The following RAPGEF3 variants were observed in gnomAD, a reference collection of about 807,000 sequenced individuals.
RAPGEF3 encodes 9330170P05Rik.
Under a neutral mutation model 129.8 loss-of-function variants are expected in RAPGEF3, and 103 were observed. The ratio of observed to expected loss-of-function variants is 0.79; its 90% confidence interval spans 0.68 to 0.93. RAPGEF3 has a LOEUF of 0.93. RAPGEF3 is among the 40% of genes least tolerant of loss of function. The pLI, the probability that RAPGEF3 is intolerant of heterozygous loss-of-function variation, is 0.00. For synonymous variants in RAPGEF3, 436 were observed against 482.6 expected (o/e 0.90, Z 1.26); for missense variants, 1,117 against 1,207.4 (o/e 0.93, Z 1.11).
rs376016546 is a variant in RAPGEF3 at position 47,750,341 on chromosome 12, C to A, written c.756G>T (p.Ser252=). 5 of 1,613,638 alleles carry A rather than the reference C, an allele frequency of 3.1e-6. No individual in the cohort carries two copies. Among genetic ancestry groups the A allele is most frequent in the Non-Finnish European group, 2.5e-6 (3 of 1,179,712 alleles). The change falls in exon 7 of 28, where the codon TCG becomes TCT. Residue 252 remains serine, a splice_region_variant and synonymous_variant. Coordinates refer to ENST00000449771, the MANE Select transcript of RAPGEF3 (RefSeq NM_001098531.4). ...CAGGGCTGGGAGGGGCAGGACTGAC[C>A]GAGTTGGAGAGGTGGGCCACAGCCT... ...HIKAVAHLSN[S]VKRELAAVLL... is the part of the protein sequence containing the mutation.
Position 47,741,544 on chromosome 12 carries a change from C to G in RAPGEF3, c.1884G>C (p.Glu628Asp). 6.2e-7 allele frequency: 1 copy of G among 1,614,180 alleles called. No individual in the cohort carries two copies. The highest frequency in any genetic ancestry group is 8.5e-7 in the Non-Finnish European group (1 of 1,180,038). The change falls in exon 19 of 28, where the codon GAG becomes GAC. Residue 628 changes from glutamate (E) to aspartate (D), a missense_variant. By Grantham distance (45) the Glu-to-Asp change is conservative (BLOSUM62 2). Transcript: ENST00000449771. ...RGVATSLGLN[E>D]RLFVVNPQEV... The stretch of plus-strand genomic sequence containing the variant: ...CCTGTGGGTTGACAACAAAGAGACG[C>G]TCATTGAGCCCCAGAGATGTGGCCA...
rs1425586068 is a variant in RAPGEF3 at position 47,738,819 on chromosome 12, T to G, written c.2462-65A>C. On this transcript the variant is annotated intron_variant, in intron 24 of 27. Transcript: ENST00000449771. Reference sequence around the variant, plus strand: ...CTGCCCTCCTGTAGCCCAGAAAAGGTGAAGGGCATAACGGCTCCCTTGGGC... The same window carrying G: ...CTGCCCTCCTGTAGCCCAGAAAAGGGGAAGGGCATAACGGCTCCCTTGGGC... 2.8e-6 allele frequency: 4 copies of G among 1,434,908 alleles called. No homozygotes were observed. In the African/African-American group the frequency reaches 5.6e-5, roughly 20 times the overall value. The allele number at this position is 1,434,908 out of a possible 1,614,324, so 88.9% of individuals were successfully genotyped here. A position where few individuals can be genotyped will look rare whatever the true frequency, so the allele number is the denominator to read the frequency against.
chr12:47,753,159 T>C (rs987964046), intron 2 of RAPGEF3, among the ~76,000 whole-genome samples: 6 of 152,204 alleles, frequency 3.9e-5, no homozygotes, highest in African/African-American at 1.4e-4. Flanking sequence ...AGATGTGAAA[T>C]AGGCAGAGCA....
In RAPGEF3 at chr12:47,748,892, T is replaced by G. The variant is rs1941585497; in HGVS notation, c.1081A>C (p.Lys361Gln). The change falls in exon 11 of 28, where the codon AAA (lysine) becomes CAA (glutamine). Residue 361 changes from lysine to glutamine, a missense_variant. Lys to Gln is a moderately conservative substitution (Grantham distance 53, BLOSUM62 1). Coordinates refer to ENST00000449771, the MANE Select transcript of RAPGEF3 (RefSeq NM_001098531.4). Reference protein sequence around the residue: ...AKTMRLEEHGKVVLVLERASQ... With the variant: ...AKTMRLEEHGQVVLVLERASQ... ...GCTCTCTCCAGCACCAGCACCACTT[T>G]GCCATGTTCTTCCAGCCGCATGGTC... 4 of 1,613,954 alleles carry G rather than the reference T, an allele frequency of 2.5e-6. No individual in the cohort carries two copies. The highest frequency in any genetic ancestry group is 3.4e-6 in the Non-Finnish European group (4 of 1,179,976).
chr12:47,747,050 C>T (rs903851711), intron 15 of RAPGEF3, 151 bp from the exon 16 acceptor site: 10 of 760,898 alleles, frequency 1.3e-5, no homozygotes, highest in African/African-American at 3.6e-5. Flanking sequence ...GGGGAGAACA[C>T]GGTCTTGAAA....
Position 47,750,023 on chromosome 12 carries a change from C to T in RAPGEF3, c.757-33G>A. On this transcript the variant is annotated intron_variant, in intron 7 of 27. Coordinates refer to ENST00000449771, the MANE Select transcript of RAPGEF3 (RefSeq NM_001098531.4). Reference sequence around the variant, plus strand: ...GTGGAGATAGGAGAGTCGGTGGCGACAAGTTCATGTGCAGAGCAGCCAGGC... The same window carrying T: ...GTGGAGATAGGAGAGTCGGTGGCGATAAGTTCATGTGCAGAGCAGCCAGGC... 2.5e-6 allele frequency: 4 copies of T among 1,613,402 alleles called. No homozygotes were observed. In the East Asian group the frequency reaches 6.7e-5, roughly 27 times the overall value.
intron 6 of RAPGEF3, 145 bp downstream of exon 6, chr12:47,750,903 A>G: frequency 8.7e-7 from 1 of 1,154,894 alleles, no homozygotes; most frequent in Non-Finnish European, 1.2e-6. Flanking sequence ...AGTCCGTGGC[A>G]GTCAGCGCCA....
At chr12:47,746,811 C>T (rs1592553699) in intron 16 of RAPGEF3, 49 bp downstream of exon 16, 2 of 1,546,410 alleles carry the variant, frequency 1.3e-6, no homozygotes, top group Non-Finnish European at 1.8e-6. Context: ...GAAGGAGGGG[C>T]CTGCAGTCCA....
At position 47,736,098 on chromosome 12, in the gene RAPGEF3, C is replaced by T. The variant is rs1201756768; in HGVS notation, c.*1469G>A. On this transcript the variant is annotated 3_prime_UTR_variant, in exon 28 of 28. Coordinates refer to ENST00000449771, the MANE Select transcript of RAPGEF3 (RefSeq NM_001098531.4). Reference sequence around the variant, plus strand: ...GAGCTACAGTTTTATGTGTTTGTCACTAAGCGCTGTATGGCGTTTATCATA... The same window carrying T: ...GAGCTACAGTTTTATGTGTTTGTCATTAAGCGCTGTATGGCGTTTATCATA... 1.3e-5 allele frequency: 2 copies of T among 152,272 alleles called. No homozygotes were observed. The highest frequency in any genetic ancestry group is 2.4e-5 in the African/African-American group (1 of 41,464). The allele number at this position is 152,272 out of a possible 1,614,324, so 9.4% of individuals were successfully genotyped here.
Position 47,758,854 on chromosome 12 carries a change from C to T in RAPGEF3, c.-298G>A. ...CGTCTCAGACGAAGGAGCCAGCTGG[C>T]ACCGGGCGCTGAAGCAAGGCTGCGC... On this transcript the variant is annotated 5_prime_UTR_variant, in exon 1 of 28. Coordinates refer to ENST00000449771, the MANE Select transcript of RAPGEF3 (RefSeq NM_001098531.4). The T allele has an allele frequency of 8.4e-7, 1 of 1,188,202 alleles. No homozygotes were observed. The highest frequency in any genetic ancestry group is 1.0e-6 in the Non-Finnish European group (1 of 957,614). The allele number at this position is 1,188,202 out of a possible 1,614,324, so 73.6% of individuals were successfully genotyped here.
Position 47,758,588 on chromosome 12 carries a change from C to T in RAPGEF3, c.-32G>A. On this transcript the variant is annotated 5_prime_UTR_variant, in exon 1 of 28. Transcript: ENST00000449771. Reference sequence around the variant, plus strand: ...TTTCAAGCTCGCACAGCCGTGCAGGCTCTAGCAAAAGGCTGGGGGGTCCCC... The same window carrying T: ...TTTCAAGCTCGCACAGCCGTGCAGGTTCTAGCAAAAGGCTGGGGGGTCCCC... 6.2e-7 allele frequency: 1 copy of T among 1,613,698 alleles called. No individual in the cohort carries two copies. Among genetic ancestry groups the T allele is most frequent in the Non-Finnish European group, 8.5e-7 (1 of 1,179,770 alleles).
At position 47,747,835 on chromosome 12, in the gene RAPGEF3, GC is replaced by G; in HGVS notation, c.1349del (p.Ser450ThrfsTer58). 6.2e-7 allele frequency: 1 copy of G among 1,604,384 alleles called. No homozygotes were observed. The highest frequency in any genetic ancestry group is 8.5e-7 in the Non-Finnish European group (1 of 1,179,946). On this transcript the variant is annotated frameshift_variant, in exon 14 of 28. Transcript: ENST00000449771. LOFTEE classifies it high-confidence loss of function. ...AGACGTAGGTGCTGCGCTCCTGCTC[GC>G]TGCCACCCGCAGGCTCCACATGGAA... is the stretch of plus-strand genomic sequence containing the variant. ...HHFHVEPAGGSEQERSTYVCN... is the reference protein window; with the variant it reads ...HHFHVEPAGGXEQERSTYVCN...
chr12:47,738,920 G>T, intron 24 of RAPGEF3, 166 bp from the exon 25 acceptor site: 1 of 734,406 alleles, frequency 1.4e-6, no homozygotes, highest in Non-Finnish European at 2.3e-6. Flanking sequence ...CTTAGGCCCT[G>T]AAGGCAGCCC....
rs777236818 is a variant in RAPGEF3, at chr12:47,738,767, G to A, written c.2462-13C>T. 6.2e-7 allele frequency: 1 copy of A among 1,603,400 alleles called. No homozygotes were observed. The highest frequency in any genetic ancestry group is 1.7e-5 in the Admixed American group (1 of 59,988). On this transcript the variant is annotated splice_polypyrimidine_tract_variant and intron_variant, in intron 24 of 27. Coordinates refer to ENST00000449771, the MANE Select transcript of RAPGEF3 (RefSeq NM_001098531.4). ...ATGAAGGTCATGTCTGCAAAGAGATGGGTTTTGTTCATAGGTCCCCAAACT... is the reference window on the plus strand; with the variant it reads ...ATGAAGGTCATGTCTGCAAAGAGATAGGTTTTGTTCATAGGTCCCCAAACT...
chr12:47,746,647 A>G (rs1314702578), intron 16 of RAPGEF3: 1 of 716,290 alleles, frequency 1.4e-6, no homozygotes, highest in Non-Finnish European at 2.6e-6. Context: ...GTGGGCGAGG[A>G]GGGAGGCCAC....
chr12:47,741,685 T>C, intron 18 of RAPGEF3, 83 bp from the exon 19 acceptor site: 1 of 1,189,376 alleles, frequency 8.4e-7, no homozygotes, highest in Non-Finnish European at 1.3e-6. Flanking sequence ...AGGTGCTGTT[T>C]GGGAGGCTGA....
rs1592528547 is a variant in RAPGEF3, at chr12:47,737,230, C to T, written c.*337G>A. ...TGCAGGCCTGGCTGGACAACAAAGC[C>T]AGAGGCACAGAATCTGGAAGACATC... On this transcript the variant is annotated 3_prime_UTR_variant, in exon 28 of 28. Transcript: ENST00000449771. The T allele has an allele frequency of 6.6e-6, 2 of 301,614 alleles. No homozygotes were observed. The highest frequency in any genetic ancestry group is 1.3e-5 in the Non-Finnish European group (2 of 159,582). The allele number at this position is 301,614 out of a possible 1,614,324, so 18.7% of individuals were successfully genotyped here.
In RAPGEF3 at chr12:47,748,559, A is replaced by G. The variant is rs779573210; in HGVS notation, c.1155-17T>C. On this transcript the variant is annotated splice_polypyrimidine_tract_variant and intron_variant, in intron 11 of 27. Transcript: ENST00000449771. ...ACTGTATACCTAGCAGAAATGGCCA[A>G]TCTTTGGCACTGGTGCCACTACTCC... 11 of 1,601,844 alleles carry G rather than the reference A, an allele frequency of 6.9e-6. No homozygotes were observed. Among genetic ancestry groups the G allele is most frequent in the Admixed American group, 6.7e-5 (4 of 59,680 alleles).
intron 25 of RAPGEF3, among the ~76,000 whole-genome samples, 155 bp from the exon 26 acceptor site, chr12:47,738,402 C>G (rs1940929590): frequency 6.6e-6 from 1 of 152,034 alleles, no homozygotes. Flanking sequence ...CTCAGCACAC[C>G]CAGAGGCCCA....
Sources: allele counts gnomAD v4.1 joint callset (sites outside exome capture counted in the v4.1 genomes callset), GRCh38; gene constraint gnomAD v4.1.1; transcripts MANE v1.5; gene names NCBI Gene and HGNC (gene_info 2026-07-23, HGNC 2026-07-21).